CREBBP: variants seen among roughly 807,000 people sequenced by gnomAD.
The protein encoded by CREBBP is CREB-binding protein.
A neutral mutation model predicts 265.0 loss-of-function variants in CREBBP; 19 were observed. That is an observed-to-expected ratio of 0.07 (90% CI 0.05 to 0.11). The LOEUF (loss-of-function observed/expected upper bound fraction) is 0.11. Ranked by LOEUF, CREBBP falls within the 10% of genes least tolerant of loss-of-function variation. The probability of loss-of-function intolerance (pLI) is 1.00; values close to 1 mark genes in which losing one functional copy is unlikely to be tolerated. For missense variants in CREBBP, 2,525 were observed against 3,219.0 expected (o/e 0.78, Z 5.22); for synonymous variants, 1,457 against 1,223.7 (o/e 1.19, Z -3.98).
At chr16:3,778,961 G>C in intron 8 of CREBBP, 144 bp from the exon 9 acceptor site, 5 of 655,426 alleles carry the variant, frequency 7.6e-6, no homozygotes, top group Non-Finnish European at 1.4e-5. Flanking sequence ...GAGGTCAGCA[G>C]TTTGAGATCT....
intron 1 of CREBBP, among the ~76,000 whole-genome samples, chr16:3,872,426 G>A (rs750864060): frequency 5.9e-5 from 9 of 152,086 alleles, no homozygotes; most frequent in Non-Finnish European, 1.0e-4. Context: ...AGCAGAGCAC[G>A]GCCCCAGGGA....
At position 3,726,136 on chromosome 16, in the gene CREBBP, C is replaced by A; in HGVS notation, c.*1582G>T. The A allele has an allele frequency of 4.3e-6, 1 of 233,200 alleles. No homozygotes were observed. The highest frequency in any genetic ancestry group is 8.5e-6 in the Non-Finnish European group (1 of 118,038). The allele number at this position is 233,200 out of a possible 1,614,324, so 14.4% of individuals were successfully genotyped here. On this transcript the variant is annotated 3_prime_UTR_variant, in exon 31 of 31. Coordinates refer to ENST00000262367, the MANE Select transcript of CREBBP (RefSeq NM_004380.3). ...CTGTCCCTCAGCATTTCCTCAAACG[C>A]CACACGGGACATGCTGCGCGGCAGC...
Position 3,826,414 on chromosome 16 carries a change from G to C in CREBBP, c.799-15635C>G, listed in dbSNP as rs574485579. The stretch of plus-strand genomic sequence containing the variant: ...TAAACATAGTGAGTCCTTCCAAAGA[G>C]GATGGCATGGAGGAGGGAAGCGGAG... On this transcript the variant is annotated intron_variant, in intron 2 of 30. Transcript: ENST00000262367. Among the ~76,000 whole-genome samples the C allele has an allele frequency of 2.2e-4, 33 of 152,248 alleles. 1 individual carries two copies. In the East Asian group the frequency reaches 4.8e-3, roughly 22 times the overall value.
Position 3,757,750 on chromosome 16 carries a change from C to T in CREBBP, c.3609+59G>A, listed in dbSNP as rs2151382892. Reference sequence around the variant, plus strand: ...CAGGCGTGGTCTCATATTAGTATAACACCCCTCTGGCTGGATTAACCAGGA... The same window carrying T: ...CAGGCGTGGTCTCATATTAGTATAATACCCCTCTGGCTGGATTAACCAGGA... On this transcript the variant is annotated intron_variant, in intron 18 of 30. Coordinates refer to ENST00000262367, the MANE Select transcript of CREBBP (RefSeq NM_004380.3). 4 of 1,606,284 alleles carry T rather than the reference C, an allele frequency of 2.5e-6. No homozygotes were observed. The South Asian group carries it at 3.3e-5, about 13-fold the overall frequency.
chr16:3,780,258 A>G (rs1205077711), intron 8 of CREBBP, among the ~76,000 whole-genome samples: 1 of 151,888 alleles, frequency 6.6e-6, no homozygotes, highest in East Asian at 1.9e-4. Context: ...AAAAAAAAAA[A>G]AAAAAGTTAA....
intron 2 of CREBBP, among the ~76,000 whole-genome samples, chr16:3,821,933 G>C (rs552829531): frequency 1.3e-5 from 2 of 152,270 alleles, no homozygotes; most frequent in African/African-American, 2.4e-5. Context: ...GTTTAGGCAG[G>C]AGAATCGCTT....
At chr16:3,837,847 CTAAGTATATAGTGTTTA>C (rs2054486775) in intron 2 of CREBBP, among the ~76,000 whole-genome samples, 2 of 151,998 alleles carry the variant, frequency 1.3e-5, no homozygotes, top group Admixed American at 6.5e-5. Context: ...TTAGCATGGC[CTAAGTATATAGTGTTTA>C]TAAAGTCTAT....
intron 28 of CREBBP, among the ~76,000 whole-genome samples, chr16:3,732,543 CACTT>C (rs1328485476): frequency 2.0e-5 from 3 of 152,182 alleles, no homozygotes; most frequent in African/African-American, 4.8e-5. Flanking sequence ...GATTACCACT[CACTT>C]ACACTTTAAC....
intron 11 of CREBBP, among the ~76,000 whole-genome samples, chr16:3,777,230 G>A (rs1342087361): frequency 1.3e-5 from 2 of 151,530 alleles, no homozygotes; most frequent in Non-Finnish European, 2.9e-5. Context: ...AGCTACTCAG[G>A]AGGCTGAGGC....
chr16:3,832,345 T>C (rs1389200607), intron 2 of CREBBP, among the ~76,000 whole-genome samples: 2 of 152,180 alleles, frequency 1.3e-5, no homozygotes, highest in Non-Finnish European at 2.9e-5. Context: ...TATATTATTG[T>C]TATCAAAAAC....
chr16:3,792,787 C>T (rs1354376929), intron 4 of CREBBP, among the ~76,000 whole-genome samples: 3 of 152,232 alleles, frequency 2.0e-5, no homozygotes, highest in African/African-American at 7.2e-5. Context: ...ACACTTCCTT[C>T]GGTAGAAATG....
chr16:3,783,229 C>A (rs2053313902), intron 5 of CREBBP, among the ~76,000 whole-genome samples: 1 of 152,178 alleles, frequency 6.6e-6, no homozygotes, highest in Non-Finnish European at 1.5e-5. Flanking sequence ...AACCTAGAGA[C>A]TCCTCAAGAA....
intron 11 of CREBBP, among the ~76,000 whole-genome samples, chr16:3,775,459 T>G (rs1394603114): frequency 6.6e-6 from 1 of 152,154 alleles, no homozygotes; most frequent in Non-Finnish European, 1.5e-5. Flanking sequence ...GGACCAACAC[T>G]AGAATCTGAC....
At chr16:3,765,810 G>A (rs2052837612) in intron 16 of CREBBP, among the ~76,000 whole-genome samples, 3 of 151,974 alleles carry the variant, frequency 2.0e-5, no homozygotes, top group Admixed American at 1.3e-4. Flanking sequence ...ACCATACCCA[G>A]CTAATTTTTT....
At chr16:3,829,757 C>T (rs1018288635) in intron 2 of CREBBP, among the ~76,000 whole-genome samples, 1 of 152,186 alleles carries the variant, frequency 6.6e-6, no homozygotes, top group Non-Finnish European at 1.5e-5. Context: ...TATCATCCAC[C>T]ATTTCCACTA....
intron 1 of CREBBP, among the ~76,000 whole-genome samples, chr16:3,877,508 T>C (rs943452040): frequency 5.9e-5 from 9 of 152,196 alleles, no homozygotes; most frequent in African/African-American, 1.2e-4. Context: ...GTTCAAGCAA[T>C]TGTCATGCCT....
chr16:3,843,047 C>T (rs2054596871), intron 2 of CREBBP, among the ~76,000 whole-genome samples: 1 of 148,736 alleles, frequency 6.7e-6, no homozygotes, highest in Non-Finnish European at 1.5e-5. Flanking sequence ...CAAAGAACTG[C>T]ACACATTTTT....
intron 5 of CREBBP, among the ~76,000 whole-genome samples, chr16:3,788,544 A>C (rs560940079): frequency 7.9e-5 from 12 of 152,264 alleles, no homozygotes; most frequent in Non-Finnish European, 1.6e-4. Flanking sequence ...CAGGACTGAC[A>C]TAAGATACTT....
chr16:3,814,640 C>G (rs1444690917), intron 2 of CREBBP, among the ~76,000 whole-genome samples: 1 of 152,114 alleles, frequency 6.6e-6, no homozygotes, highest in African/African-American at 2.4e-5. Context: ...ACCTTTTCTT[C>G]TTGGCCATCA....
Sources: gnomAD v4.1 joint callset for allele counts (sites outside exome capture counted in the v4.1 genomes callset) on GRCh38, gnomAD v4.1.1 for gene constraint, MANE v1.5 for transcripts, NCBI Gene and HGNC (gene_info 2026-07-23, HGNC 2026-07-21) for gene names.